Variants in CCDC141 observed in about 807,000 individuals in gnomAD.
The protein encoded by CCDC141 is coiled-coil domain containing 141, also known as coiled-coil domain-containing protein 141.
A neutral mutation model predicts 181.0 loss-of-function variants in CCDC141; 168 were observed. The observed-to-expected ratio is 0.93, with a 90% CI of 0.82 to 1.05. The LOEUF is 1.05. Ranked by LOEUF, CCDC141 falls within the 50% of genes least tolerant of loss-of-function variation. The pLI, the probability that CCDC141 is intolerant of heterozygous loss-of-function variation, is 0.00. For synonymous variants in CCDC141, 666 were observed against 642.3 expected (o/e 1.04, Z -0.56); for missense variants, 1,902 against 1,788.5 (o/e 1.06, Z -1.14).
At chr2:179,010,670 T>G (rs2042242005) in intron 2 of CCDC141, among the ~76,000 whole-genome samples, 1 of 151,974 alleles carries the variant, frequency 6.6e-6, no homozygotes, top group East Asian at 1.9e-4. Context: ...AAACAAATCA[T>G]GGAAACACAA....
intron 2 of CCDC141, among the ~76,000 whole-genome samples, chr2:178,996,507 T>C (rs571649121): frequency 6.6e-6 from 1 of 152,320 alleles, no homozygotes; most frequent in South Asian, 2.1e-4. Flanking sequence ...ACAAAGGTGT[T>C]AAAATAAATC....
intron 21 of CCDC141, among the ~76,000 whole-genome samples, chr2:178,848,688 T>C (rs988829937): frequency 2.6e-5 from 4 of 152,092 alleles, no homozygotes; most frequent in East Asian, 3.8e-4. Flanking sequence ...AGGAATATTG[T>C]AGACAATGAA....
At chr2:178,924,434 G>A (rs1446642270) in intron 6 of CCDC141, among the ~76,000 whole-genome samples, 2 of 151,360 alleles carry the variant, frequency 1.3e-5, no homozygotes, top group East Asian at 1.9e-4. Flanking sequence ...ATTAACAGAT[G>A]GTAAAACAAA....
At chr2:179,032,122 C>A (rs1017022031) in intron 2 of CCDC141, among the ~76,000 whole-genome samples, 2 of 152,104 alleles carry the variant, frequency 1.3e-5, no homozygotes, top group African/African-American at 2.4e-5. Context: ...CCTGGAAACC[C>A]CCCTTACTGG....
chr2:178,962,431 G>C (rs942479856), intron 4 of CCDC141, among the ~76,000 whole-genome samples: 4 of 152,096 alleles, frequency 2.6e-5, no homozygotes, highest in Non-Finnish European at 4.4e-5. Flanking sequence ...GCTATCTCTG[G>C]CATCTGTCTA....
the CCDC141 span, among the ~76,000 whole-genome samples, chr2:178,816,629 A>T: frequency 6.6e-6 from 1 of 152,204 alleles, no homozygotes; most frequent in African/African-American, 2.4e-5. Flanking sequence ...TGTCTTCCAA[A>T]GTGGCTCTGC....
intron 12 of CCDC141, chr2:178,875,908 C>T (rs888025546): frequency 2.0e-5 from 3 of 151,928 alleles, no homozygotes; most frequent in East Asian, 1.9e-4. Flanking sequence ...GAGAGAGAGA[C>T]AGAGATAGAT....
intron 2 of CCDC141, among the ~76,000 whole-genome samples, chr2:179,008,607 G>A (rs572148221): frequency 1.5e-4 from 23 of 152,202 alleles, no homozygotes; most frequent in Admixed American, 2.6e-4. Flanking sequence ...AGTAAAAGCT[G>A]CGAATCTCTT....
intron 2 of CCDC141, among the ~76,000 whole-genome samples, chr2:179,041,984 C>T (rs764512876): frequency 6.6e-6 from 1 of 152,138 alleles, no homozygotes; most frequent in Non-Finnish European, 1.5e-5. Context: ...TAACACCACA[C>T]CGACAATATT....
At chr2:178,897,551 C>T (rs1054439011) in intron 8 of CCDC141, among the ~76,000 whole-genome samples, 1 of 152,104 alleles carries the variant, frequency 6.6e-6, no homozygotes, top group African/African-American at 2.4e-5. Context: ...TAAAGTTACA[C>T]CAAAGCAAAA....
In CCDC141 at chr2:178,944,671, G is replaced by A; in HGVS notation, c.781-20C>T. 2 of 1,150,344 alleles carry A rather than the reference G, an allele frequency of 1.7e-6. No homozygotes were observed. The highest frequency in any genetic ancestry group is 1.2e-6 in the Non-Finnish European group (1 of 814,528). 71.3% of individuals were successfully genotyped at this position (1,150,344 alleles called of 1,614,324 possible). A position where few individuals can be genotyped will look rare whatever the true frequency, so the allele number is the denominator to read the frequency against. On this transcript the variant is annotated intron_variant, in intron 5 of 23. Transcript: ENST00000443758. ...AGTAACCTAGGTAAAAGGCAACAAA[G>A]AAAGATCAAAATTCAAATGATCAGA...
At chr2:178,989,606 AAATAAAT>A (rs1691936821) in intron 2 of CCDC141, among the ~76,000 whole-genome samples, 2 of 129,704 alleles carry the variant, frequency 1.5e-5, no homozygotes, top group African/African-American at 7.3e-5. Context: ...AAAAAAAAAA[AAATAAAT>A]AAATAAATAA....
intron 2 of CCDC141, among the ~76,000 whole-genome samples, chr2:179,038,909 G>T (rs1438565865): frequency 5.9e-5 from 9 of 152,140 alleles, no homozygotes; most frequent in Non-Finnish European, 1.0e-4. Flanking sequence ...CAATGTAATG[G>T]AAAGTCAGAT....
At chr2:178,815,973 G>T in the CCDC141 span, among the ~76,000 whole-genome samples, 1 of 152,184 alleles carries the variant, frequency 6.6e-6, no homozygotes, top group East Asian at 1.9e-4. Flanking sequence ...AGTAAGCTTT[G>T]AAAAAGATAA....
At chr2:178,981,454 A>G (rs1163596993) in intron 2 of CCDC141, among the ~76,000 whole-genome samples, 2 of 151,642 alleles carry the variant, frequency 1.3e-5, no homozygotes, top group East Asian at 3.9e-4. Context: ...AGCCAAAAAT[A>G]CCACAATATT....
chr2:178,955,653 A>C (rs1386690520), intron 5 of CCDC141, among the ~76,000 whole-genome samples: 1 of 152,182 alleles, frequency 6.6e-6, no homozygotes, highest in Non-Finnish European at 1.5e-5. Flanking sequence ...AGTTTTTTTT[A>C]ATAAATGTGT....
At chr2:178,983,905 A>T (rs1370433596) in intron 2 of CCDC141, among the ~76,000 whole-genome samples, 59 of 150,778 alleles carry the variant, frequency 3.9e-4, no homozygotes, top group Non-Finnish European at 7.4e-4. Flanking sequence ...GATATTATCC[A>T]GGAGAATTTC....
intron 2 of CCDC141, among the ~76,000 whole-genome samples, chr2:179,036,440 A>G (rs1444852894): frequency 1.3e-5 from 2 of 152,214 alleles, no homozygotes; most frequent in African/African-American, 4.8e-5. Flanking sequence ...GTTTTACAGA[A>G]TCGGCCAAGG....
At chr2:178,989,783 AGTAC>A (rs1691954667) in intron 2 of CCDC141, among the ~76,000 whole-genome samples, 3 of 148,828 alleles carry the variant, frequency 2.0e-5, no homozygotes, top group Admixed American at 2.0e-4. Flanking sequence ...GCAAATCAAA[AGTAC>A]AATGAGATGT....
Sources: gnomAD v4.1 joint callset for allele counts (sites outside exome capture counted in the v4.1 genomes callset) on GRCh38, gnomAD v4.1.1 for gene constraint, MANE v1.5 for transcripts, NCBI Gene and HGNC (gene_info 2026-07-23, HGNC 2026-07-21) for gene names.